The following ZMAT4 variants were observed in gnomAD, a reference collection of about 807,000 sequenced individuals.
ZMAT4 encodes the protein zinc finger matrin-type 4.
ZMAT4 carries 17 observed loss-of-function variants against 28.7 expected under a neutral mutation model. That is an observed-to-expected ratio of 0.59 (90% confidence interval 0.41 to 0.89). The LOEUF is 0.89. Among genes scored for constraint, ZMAT4 ranks in the 40% least tolerant of loss-of-function variants. ZMAT4 has a pLI of 0.00. For synonymous variants in ZMAT4, 117 were observed against 109.2 expected, an observed-to-expected ratio of 1.07 and a Z score of -0.44; for missense variants, 240 against 283.8, an observed-to-expected ratio of 0.85 and a Z score of 1.11.
At chr8:40,601,679 A>G (rs1360817828) in intron 5 of ZMAT4, among the ~76,000 whole-genome samples, 14 of 30,550 alleles carry the variant, frequency 4.6e-4, no homozygotes, top group African/African-American at 1.4e-3. Context: ...AAAGAAAGAA[A>G]GAAAGAAAGA....
intron 6 of ZMAT4, among the ~76,000 whole-genome samples, chr8:40,547,305 C>T (rs914676448): frequency 6.6e-6 from 1 of 152,154 alleles, no homozygotes; most frequent in Non-Finnish European, 1.5e-5. Flanking sequence ...CCTCTCTAGA[C>T]CTCTGACATG....
At chr8:40,713,922 A>G (rs1387373235) in intron 3 of ZMAT4, among the ~76,000 whole-genome samples, 2 of 122,992 alleles carry the variant, frequency 1.6e-5, no homozygotes, top group Admixed American at 8.1e-5. Context: ...AAACAAAACC[A>G]AAAAAAAAAA....
intron 1 of ZMAT4, among the ~76,000 whole-genome samples, chr8:40,828,648 TA>T: frequency 6.6e-6 from 1 of 152,326 alleles, no homozygotes; most frequent in East Asian, 1.9e-4. Context: ...TGCAATTTTT[TA>T]AAAGGCAATA....
chr8:40,554,664 C>T (rs1045763217), intron 6 of ZMAT4, among the ~76,000 whole-genome samples: 1 of 152,052 alleles, frequency 6.6e-6, no homozygotes, highest in Non-Finnish European at 1.5e-5. Context: ...CTTCTTTTCT[C>T]ATTTCTAAAT....
intron 6 of ZMAT4, among the ~76,000 whole-genome samples, chr8:40,537,174 T>A (rs1802874056): frequency 6.6e-6 from 1 of 152,032 alleles, no homozygotes. Context: ...ATGTTGGGAA[T>A]CAAAAGTGGA....
chr8:40,589,868 C>T (rs1418162247), intron 5 of ZMAT4, among the ~76,000 whole-genome samples: 4 of 146,406 alleles, frequency 2.7e-5, no homozygotes, highest in Non-Finnish European at 4.5e-5. Flanking sequence ...CTCTCTCTCC[C>T]GTCCTCTTCC....
chr8:40,631,698 C>T (rs1806590053), intron 5 of ZMAT4, among the ~76,000 whole-genome samples: 1 of 152,108 alleles, frequency 6.6e-6, no homozygotes, highest in Non-Finnish European at 1.5e-5. Flanking sequence ...CATGTGATAT[C>T]CACTCTCATT....
chr8:40,731,133 A>G (rs914515129), intron 3 of ZMAT4, among the ~76,000 whole-genome samples: 3 of 146,738 alleles, frequency 2.0e-5, no homozygotes, highest in African/African-American at 7.3e-5. Flanking sequence ...GGGGGACACT[A>G]TTGTTGCACC....
chr8:40,590,961 T>A (rs979823896), intron 5 of ZMAT4, among the ~76,000 whole-genome samples: 1 of 152,122 alleles, frequency 6.6e-6, no homozygotes, highest in Non-Finnish European at 1.5e-5. Flanking sequence ...TGGTTGGTTG[T>A]AACTGTCTAG....
intron 1 of ZMAT4, among the ~76,000 whole-genome samples, chr8:40,862,884 G>A (rs1243992646): frequency 6.6e-6 from 1 of 151,790 alleles, no homozygotes; most frequent in African/African-American, 2.4e-5. Context: ...ATGAGTTAAT[G>A]GGTGCAGCAC....
intron 6 of ZMAT4, among the ~76,000 whole-genome samples, chr8:40,559,316 A>G (rs1204846143): frequency 6.6e-6 from 1 of 152,162 alleles, no homozygotes; most frequent in Non-Finnish European, 1.5e-5. Flanking sequence ...CCTAATTATA[A>G]TACTTAAATG....
At chr8:40,840,600 C>T (rs907489476) in intron 1 of ZMAT4, among the ~76,000 whole-genome samples, 4 of 152,300 alleles carry the variant, frequency 2.6e-5, no homozygotes, top group East Asian at 1.9e-4. Context: ...CTGCTACCTC[C>T]GTTAGTCAGA....
intron 1 of ZMAT4, among the ~76,000 whole-genome samples, 190 bp from the exon 2 acceptor site, chr8:40,825,870 A>C (rs1234779637): frequency 6.6e-6 from 1 of 152,226 alleles, no homozygotes; most frequent in Non-Finnish European, 1.5e-5. Flanking sequence ...GTTTTCTCAC[A>C]AATGCCCAAC....
intron 3 of ZMAT4, among the ~76,000 whole-genome samples, chr8:40,743,727 C>T (rs762439732): frequency 6.6e-6 from 1 of 151,988 alleles, no homozygotes; most frequent in African/African-American, 2.4e-5. Context: ...CGGCCGATTC[C>T]GGCGTGAAGC....
At chr8:40,735,004 C>T (rs1811701935) in intron 3 of ZMAT4, among the ~76,000 whole-genome samples, 1 of 152,184 alleles carries the variant, frequency 6.6e-6, no homozygotes, top group Non-Finnish European at 1.5e-5. Context: ...ACGCCTATGT[C>T]TAGATGACTA....
intron 3 of ZMAT4, among the ~76,000 whole-genome samples, chr8:40,716,383 C>A (rs1414460248): frequency 6.6e-6 from 1 of 152,166 alleles, no homozygotes; most frequent in Non-Finnish European, 1.5e-5. Flanking sequence ...GACCCTTCCT[C>A]CCTTTACTTA....
intron 3 of ZMAT4, among the ~76,000 whole-genome samples, chr8:40,765,255 A>G (rs1231036794): frequency 6.7e-6 from 1 of 149,074 alleles, no homozygotes; most frequent in East Asian, 2.3e-4. Flanking sequence ...TCTTAGGTAT[A>G]AGCCTGTACA....
intron 3 of ZMAT4, among the ~76,000 whole-genome samples, chr8:40,729,604 T>C (rs1023028794): frequency 9.9e-5 from 15 of 151,446 alleles, no homozygotes; most frequent in Admixed American, 6.6e-4. Flanking sequence ...TTTCTTTTTT[T>C]TTTTTTTTTG....
intron 3 of ZMAT4, among the ~76,000 whole-genome samples, chr8:40,741,614 A>G (rs1368464817): frequency 6.6e-6 from 1 of 152,200 alleles, no homozygotes; most frequent in African/African-American, 2.4e-5. Context: ...GATGAGGTAA[A>G]GTGGAGACTT....
Sources: gnomAD v4.1 joint callset for allele counts (sites outside exome capture counted in the v4.1 genomes callset) on GRCh38, gnomAD v4.1.1 for gene constraint, MANE v1.5 for transcripts, NCBI Gene and HGNC (gene_info 2026-07-23, HGNC 2026-07-21) for gene names.